Variants in CLCN7 observed in about 807,000 individuals in gnomAD.
The protein encoded by CLCN7 is Cl-/H+ antiporter 7.
CLCN7 carries 60 observed loss-of-function variants against 102.1 expected under a neutral mutation model. The ratio of observed to expected loss-of-function variants is 0.59; its 90% CI spans 0.48 to 0.73. CLCN7 has a LOEUF of 0.73. Among genes scored for constraint, CLCN7 ranks in the 30% least tolerant of loss-of-function variants. The probability of loss-of-function intolerance (pLI) is 0.00; values close to 1 mark genes in which losing one functional copy is unlikely to be tolerated. For synonymous variants in CLCN7, 560 were observed against 490.5 expected (o/e 1.14, Z -1.87); for missense variants, 962 against 1,125.7 (o/e 0.85, Z 2.08).
intron 1 of CLCN7, 77 bp from the exon 2 acceptor site, chr16:1,465,415 C>A: frequency 1.5e-6 from 2 of 1,326,738 alleles, no homozygotes; most frequent in Admixed American, 3.9e-5. Context: ...CCCGCCGCCG[C>A]ACCCTGGCCT....
At chr16:1,455,939 C>G (rs1203302356) in intron 10 of CLCN7, 144 bp from the exon 11 acceptor site, 1 of 1,060,880 alleles carries the variant, frequency 9.4e-7, no homozygotes, top group South Asian at 1.4e-5. Flanking sequence ...GAGAGGGACC[C>G]TGAGGGAGGT....
At position 1,448,819 on chromosome 16, in the gene CLCN7, G is replaced by A. The variant is rs1394188068; in HGVS notation, c.1798-53C>T. On this transcript the variant is annotated intron_variant, in intron 19 of 24. Transcript: ENST00000382745. Reference sequence around the variant, plus strand: ...TGAGGAGTCCACACCCACCCCTGGAGCCCCGAGCCTACCCCTGGGAGCCCA... The same window carrying A: ...TGAGGAGTCCACACCCACCCCTGGAACCCCGAGCCTACCCCTGGGAGCCCA... The A allele has an allele frequency of 5.0e-6, 8 of 1,599,732 alleles. No homozygotes were observed. In the African/African-American group the frequency reaches 9.4e-5, roughly 19 times the overall value.
At chr16:1,448,511 C>T (rs374920157) in intron 20 of CLCN7, 27 bp from the exon 21 acceptor site, 46 of 1,606,020 alleles carry the variant, frequency 2.9e-5, no homozygotes, top group Admixed American at 1.5e-4. Flanking sequence ...GCCACACATG[C>T]CCGTCACACG....
chr16:1,470,485 C>T lies in CLCN7; in HGVS notation c.141+4349G>A, dbSNP rs78291225. ...CTGCCCCGCGGGGGGATGGGGGTTACAGTCAAAGGAAACAAGGTGACACAC... is the reference window on the plus strand; with the variant it reads ...CTGCCCCGCGGGGGGATGGGGGTTATAGTCAAAGGAAACAAGGTGACACAC... On this transcript the variant is annotated intron_variant, in intron 1 of 24. Coordinates refer to ENST00000382745, the MANE Select transcript of CLCN7 (RefSeq NM_001287.6). Among the ~76,000 whole-genome samples the T allele has an allele frequency of 3.0e-4, 46 of 152,298 alleles. No homozygotes were observed. In the East Asian group the frequency reaches 8.1e-3, roughly 27 times the overall value.
intron 21 of CLCN7, 38 bp from the exon 22 acceptor site, chr16:1,447,752 G>C: frequency 6.5e-7 from 1 of 1,545,626 alleles, no homozygotes; most frequent in Non-Finnish European, 8.7e-7. Context: ...ACGGGCCCGA[G>C]GGTGGGAGGC....
rs1444249797 is a variant in CLCN7 at position 1,473,015 on chromosome 16, C to T, written c.141+1819G>A. On this transcript the variant is annotated intron_variant, in intron 1 of 24. Coordinates refer to ENST00000382745, the MANE Select transcript of CLCN7 (RefSeq NM_001287.6). ...ACTTCTGGGCTCAAGTGATCCTCCC[C>T]TACCTTGGCCTCCCAAAGTGCTAGG... Among the ~76,000 whole-genome samples the T allele has an allele frequency of 5.3e-5, 8 of 151,764 alleles. No individual in the cohort carries two copies. The East Asian group carries it at 1.5e-3, about 29-fold the overall frequency.
chr16:1,467,142 C>T (rs1049321612), intron 1 of CLCN7, among the ~76,000 whole-genome samples: 2 of 152,144 alleles, frequency 1.3e-5, no homozygotes, highest in African/African-American at 4.8e-5. Context: ...CCTCCTCTCC[C>T]CAGGCAAAGA....
In CLCN7 at chr16:1,450,611, G is replaced by A; in HGVS notation, c.1503C>T (p.Ala501=). 2.5e-6 allele frequency: 4 copies of A among 1,612,766 alleles called. No homozygotes were observed. Among genetic ancestry groups the A allele is most frequent in the Non-Finnish European group, 3.4e-6 (4 of 1,179,796 alleles). ...GLFTLVYFFL[A]CWTYGLTVSA... ...ACACCGTGAGCCCGTAGGTCCAGCA[G>A]GCCAGGAAGAAGTAGACCAGCGTGA... Residue 501 remains alanine (A), a synonymous_variant, in exon 17 of 25, where the codon GCC becomes GCT. Coordinates refer to ENST00000382745, the MANE Select transcript of CLCN7 (RefSeq NM_001287.6).
intron 1 of CLCN7, among the ~76,000 whole-genome samples, chr16:1,465,873 C>A (rs1055040781): frequency 2.0e-5 from 3 of 152,200 alleles, no homozygotes; most frequent in East Asian, 3.9e-4. Flanking sequence ...TAAGGCTTTG[C>A]GGCCGCCCCA....
chr16:1,473,443 C>T (rs555795288), intron 1 of CLCN7, among the ~76,000 whole-genome samples: 4 of 140,240 alleles, frequency 2.9e-5, no homozygotes, highest in East Asian at 2.3e-4. Flanking sequence ...GCGCCATCTC[C>T]GCTCACTGTA....
At chr16:1,458,865 A>G (rs1307644017) in intron 7 of CLCN7, among the ~76,000 whole-genome samples, 1 of 152,208 alleles carries the variant, frequency 6.6e-6, no homozygotes, top group East Asian at 1.9e-4. Context: ...CACATGCACC[A>G]CGCAAGCATT....
At chr16:1,461,352 C>A in intron 4 of CLCN7, 53 bp downstream of exon 4, 1 of 1,485,172 alleles carries the variant, frequency 6.7e-7, no homozygotes, top group Non-Finnish European at 9.2e-7. Flanking sequence ...CCAGGCCCGG[C>A]CGGCACCAGG....
chr16:1,447,054 G>T lies in CLCN7; in HGVS notation c.2283C>A (p.Phe761Leu). Residue 761 changes from phenylalanine to leucine, a missense_variant, in exon 24 of 25, where the codon TTC (phenylalanine) becomes TTA (leucine). This residue lies in a region of CLCN7 where 799 missense variants were observed against 988.0 expected (regional missense o/e 0.81). Coordinates refer to ENST00000382745, the MANE Select transcript of CLCN7 (RefSeq NM_001287.6). ...EASLPRVFKLFRALGLRHLVV... is the reference protein window; with the variant it reads ...EASLPRVFKLLRALGLRHLVV... ...CCAGGTGCCGCAGGCCCAGGGCCCG[G>T]AACAGCTTGAACACCCGTGGGAGCG... 6.2e-7 allele frequency: 1 copy of T among 1,602,502 alleles called. No homozygotes were observed.
chr16:1,449,122 G>C lies in CLCN7; in HGVS notation c.1670-29C>G, dbSNP rs754701987. 19 of 1,612,398 alleles carry C rather than the reference G, an allele frequency of 1.2e-5. 1 individual carries two copies. Among genetic ancestry groups the C allele is most frequent in the Non-Finnish European group, 1.6e-5 (19 of 1,179,806 alleles). ...CGGGAGCCATCATGAACCCCAGCAC[G>C]TCCACCCTCCTGGCTCAGGGTCACG... On this transcript the variant is annotated intron_variant, in intron 18 of 24. Coordinates refer to ENST00000382745, the MANE Select transcript of CLCN7 (RefSeq NM_001287.6).
chr16:1,453,308 C>T (rs529085361), intron 14 of CLCN7, among the ~76,000 whole-genome samples: 5 of 152,172 alleles, frequency 3.3e-5, no homozygotes, highest in African/African-American at 9.7e-5. Context: ...GCACCGCGCC[C>T]GGCCAGGCCT....
In CLCN7 at chr16:1,457,795, C is replaced by G. The variant is rs772326250; in HGVS notation, c.676-39G>C. ...AGACGCATGGCCTCTGATGAAAAGG[C>G]AGGCGCTGTCTTTGGACCTGAGCCG... is the stretch of plus-strand genomic sequence containing the variant. On this transcript the variant is annotated intron_variant, in intron 7 of 24. Transcript: ENST00000382745. The surrounding 1 kb of genome is among the most constrained non-coding windows in gnomAD (Gnocchi z 5.4). 1.3e-6 allele frequency: 2 copies of G among 1,596,274 alleles called. No homozygotes were observed. The highest frequency in any genetic ancestry group is 1.7e-6 in the Non-Finnish European group (2 of 1,164,526).
At chr16:1,447,760 G>C in intron 21 of CLCN7, 46 bp from the exon 22 acceptor site, 10 of 1,538,680 alleles carry the variant, frequency 6.5e-6, no homozygotes, top group Non-Finnish European at 8.8e-6. Context: ...GAGGGTGGGA[G>C]GCTGCGCTGG....
intron 1 of CLCN7, 96 bp from the exon 2 acceptor site, chr16:1,465,434 C>T (rs1397440078): frequency 1.1e-5 from 13 of 1,138,206 alleles, no homozygotes; most frequent in Admixed American, 4.0e-5. Context: ...CTCGCCTGAC[C>T]CTGCCCGGGA....
intron 1 of CLCN7, chr16:1,472,687 T>G (rs1289456700): frequency 6.6e-6 from 1 of 152,136 alleles, no homozygotes; most frequent in African/African-American, 2.4e-5. Flanking sequence ...CTTTCAGCCC[T>G]TAAAGTTGGG....
Sources: allele counts gnomAD v4.1 joint callset (sites outside exome capture counted in the v4.1 genomes callset), GRCh38; gene constraint gnomAD v4.1.1; regional missense constraint gnomAD v4.1.1; non-coding constraint Gnocchi (gnomAD v3.1); transcripts MANE v1.5; gene names NCBI Gene and HGNC (gene_info 2026-07-23, HGNC 2026-07-21).